Variants in PRSS23 observed in about 807,000 individuals in gnomAD.
The protein encoded by PRSS23 is protease, serine 23.
PRSS23 carries 25 observed loss-of-function variants against 34.7 expected under a neutral mutation model. The observed-to-expected ratio is 0.72, with a 90% CI of 0.53 to 1.01. The LOEUF is 1.01. PRSS23 is among the 50% of genes least tolerant of loss of function. The pLI is 0.00. For synonymous variants in PRSS23, 176 were observed against 186.6 expected (o/e 0.94, Z 0.46); for missense variants, 445 against 475.6 (o/e 0.94, Z 0.60).
intron 2 of PRSS23, among the ~76,000 whole-genome samples, chr11:86,888,647 TG>T (rs1266491569): frequency 6.6e-6 from 1 of 152,228 alleles, no homozygotes; most frequent in Non-Finnish European, 1.5e-5. Flanking sequence ...GTTGAGAGAT[TG>T]CATGATCATT....
At chr11:86,854,070 G>A (rs748201318) in intron 2 of PRSS23, among the ~76,000 whole-genome samples, 5 of 151,974 alleles carry the variant, frequency 3.3e-5, no homozygotes, top group Admixed American at 2.0e-4. Context: ...GCACGATCTC[G>A]GCTCACTGCA....
At chr11:86,860,499 T>G (rs1290612039) in intron 2 of PRSS23, among the ~76,000 whole-genome samples, 1 of 151,200 alleles carries the variant, frequency 6.6e-6, no homozygotes, top group Non-Finnish European at 1.5e-5. Context: ...TTACTCCCAA[T>G]ATCACAAGGG....
At chr11:86,833,157 C>T (rs1024665640) in intron 2 of PRSS23, 1 of 825,134 alleles carries the variant, frequency 1.2e-6, no homozygotes, top group Non-Finnish European at 2.1e-6. Flanking sequence ...CAAAGAGAGA[C>T]ATCTGAGTCA....
chr11:86,857,896 A>G, intron 2 of PRSS23: 1 of 497,278 alleles, frequency 2.0e-6, no homozygotes. Context: ...CAGGTTCCTC[A>G]GCATCGTGAC....
At chr11:86,863,290 A>G (rs903422008) in intron 2 of PRSS23, among the ~76,000 whole-genome samples, 1 of 152,130 alleles carries the variant, frequency 6.6e-6, no homozygotes, top group Non-Finnish European at 1.5e-5. Flanking sequence ...ATCATATTGG[A>G]TGTACACCCT....
At chr11:86,833,124 T>A (rs1405839316) in intron 2 of PRSS23, 5 of 680,806 alleles carry the variant, frequency 7.3e-6, no homozygotes, top group South Asian at 1.4e-5. Context: ...GAGCATGTCT[T>A]TCTTCCATGC....
intron 2 of PRSS23, chr11:86,933,387 C>T (rs1394639326): frequency 6.6e-6 from 1 of 152,126 alleles, no homozygotes; most frequent in East Asian, 1.9e-4. Context: ...AAAAAAATGG[C>T]TCTCAAGCAG....
chr11:86,931,479 T>TA (rs1949125540), intron 2 of PRSS23, among the ~76,000 whole-genome samples: 1 of 151,996 alleles, frequency 6.6e-6, no homozygotes, highest in South Asian at 2.1e-4. Context: ...AAAGCACAGA[T>TA]GTGTACATAC....
rs114020648 is a variant in PRSS23 at position 86,851,606 on chromosome 11, G to A, written c.206+28013G>A. Among the ~76,000 whole-genome samples the A allele has an allele frequency of 2.1e-3, 319 of 152,360 alleles. 1 individual carries two copies. Among genetic ancestry groups the A allele is most frequent in the African/African-American group, 7.4e-3 (308 of 41,588 alleles). Reference sequence around the variant, plus strand: ...GGGAATTCACCCTTTTCGACTTCATGATCTGATACAAGTTATATGAAAATG... The same window carrying A: ...GGGAATTCACCCTTTTCGACTTCATAATCTGATACAAGTTATATGAAAATG... On this transcript the variant is annotated intron_variant, in intron 2 of 2. Transcript: ENST00000533902.
At chr11:86,913,817 G>A (rs1410166184) in intron 2 of PRSS23, among the ~76,000 whole-genome samples, 1 of 151,490 alleles carries the variant, frequency 6.6e-6, no homozygotes, top group Non-Finnish European at 1.5e-5. Flanking sequence ...GTGGACCAGA[G>A]GTTGAACCCT....
intron 2 of PRSS23, among the ~76,000 whole-genome samples, chr11:86,853,470 G>A (rs1948545948): frequency 6.6e-6 from 1 of 151,826 alleles, no homozygotes; most frequent in African/African-American, 2.4e-5. Context: ...GGCCAGGCTG[G>A]TCTCGAACTC....
Position 86,951,239 on chromosome 11 carries a change from T to C in PRSS23, c.230T>C (p.Leu77Pro), listed in dbSNP as rs769786110. 1.6e-5 allele frequency: 26 copies of C among 1,614,168 alleles called. No individual in the cohort carries two copies. The highest frequency in any genetic ancestry group is 2.1e-5 in the Non-Finnish European group (25 of 1,179,968). The change falls in exon 3 of 3, where the codon CTT (leucine) becomes CCT (proline). Residue 77 changes from leucine (L) to proline (P), a missense_variant. Leu to Pro is a moderately conservative substitution (Grantham distance 98). Transcript: ENST00000533902. Reference sequence around the variant, plus strand: ...AGAATTCACCAATCTGTTGGAACACTTCTGCCACGTGTGAAGAGTTTTGGC... The same window carrying C: ...AGAATTCACCAATCTGTTGGAACACCTCTGCCACGTGTGAAGAGTTTTGGC...
intron 2 of PRSS23, among the ~76,000 whole-genome samples, chr11:86,824,089 G>C (rs3016252): frequency 0.53 from 79,492 of 148,938 alleles, 22,295 homozygotes; most frequent in African/African-American, 0.7. Context: ...GGGCTCTGCC[G>C]TTTAGAAGAA....
intron 2 of PRSS23, among the ~76,000 whole-genome samples, chr11:86,891,696 G>T (rs1312581435): frequency 6.6e-6 from 1 of 152,120 alleles, no homozygotes; most frequent in Non-Finnish European, 1.5e-5. Context: ...ATCTCATCTT[G>T]AATTGTAATC....
chr11:86,844,112 C>T (rs1011255289), intron 2 of PRSS23, among the ~76,000 whole-genome samples: 42 of 152,142 alleles, frequency 2.8e-4, no homozygotes, highest in African/African-American at 9.7e-4. Flanking sequence ...ATGTCCTTTG[C>T]AGGGACATGG....
chr11:86,812,580 GAGCTCCAGACC>G (rs1164753678), downstream of PRSS23, among the ~76,000 whole-genome samples: 2 of 152,014 alleles, frequency 1.3e-5, no homozygotes, highest in Admixed American at 6.5e-5. Flanking sequence ...TTGAGGTGAG[GAGCTCCAGACC>G]AGCCCTGCTA....
At chr11:86,831,341 C>G (rs1173642976) in intron 2 of PRSS23, among the ~76,000 whole-genome samples, 1 of 151,456 alleles carries the variant, frequency 6.6e-6, no homozygotes, top group Non-Finnish European at 1.5e-5. Flanking sequence ...TTCGTAATAT[C>G]CTAGAAAGTT....
rs759742443 is a variant in PRSS23 at position 86,808,574 on chromosome 11, G to A, written c.931G>A (p.Ala311Thr). 3 of 1,614,226 alleles carry A rather than the reference G, an allele frequency of 1.9e-6. No individual in the cohort carries two copies. Among genetic ancestry groups the A allele is most frequent in the Non-Finnish European group, 1.7e-6 (2 of 1,180,038 alleles). The change falls in exon 2 of 2, where the codon GCC (alanine) becomes ACC (threonine). Residue 311 changes from alanine to threonine, a missense_variant. Coordinates refer to ENST00000280258, the MANE Select transcript of PRSS23 (RefSeq NM_007173.6). ...TYDLLYQQCDAQPGASGSGVY... is the reference protein window; with the variant it reads ...TYDLLYQQCDTQPGASGSGVY... ...TGACTTGCTCTACCAGCAATGCGATGCCCAGCCAGGGGCCAGCGGGTCTGG... is the reference window on the plus strand; with the variant it reads ...TGACTTGCTCTACCAGCAATGCGATACCCAGCCAGGGGCCAGCGGGTCTGG...
chr11:86,840,399 T>C (rs1479778148), intron 2 of PRSS23, among the ~76,000 whole-genome samples: 2 of 152,210 alleles, frequency 1.3e-5, no homozygotes, highest in Non-Finnish European at 2.9e-5. Context: ...AAGGGATCAA[T>C]TAAACAAGAA....
Sources: allele counts gnomAD v4.1 joint callset (sites outside exome capture counted in the v4.1 genomes callset), GRCh38; gene constraint gnomAD v4.1.1; transcripts MANE v1.5; gene names NCBI Gene and HGNC (gene_info 2026-07-23, HGNC 2026-07-21).